Variants in RAC1 observed in about 807,000 individuals in gnomAD.
RAC1 encodes Rac family small GTPase 1.
A neutral mutation model predicts 25.2 loss-of-function variants in RAC1; 2 were observed. The ratio of observed to expected loss-of-function variants is 0.08; its 90% CI spans 0.03 to 0.25. The LOEUF (loss-of-function observed/expected upper bound fraction) is 0.25. RAC1 is among the 10% of genes least tolerant of loss of function. The probability of loss-of-function intolerance (pLI) is 1.00; values close to 1 mark genes in which losing one functional copy is unlikely to be tolerated. For missense variants in RAC1, 50 were observed against 235.7 expected, an observed-to-expected ratio of 0.21 and a Z score of 5.16; for synonymous variants, 88 against 94.0, an observed-to-expected ratio of 0.94 and a Z score of 0.37.
At chr7:6,398,214 G>GTCTA (rs10673731) in intron 3 of RAC1, among the ~76,000 whole-genome samples, 2 of 151,980 alleles carry the variant, frequency 1.3e-5, no homozygotes, top group African/African-American at 4.8e-5. Context: ...AGAGCCCTTT[G>GTCTA]GCAGGCATCA....
At chr7:6,392,327 T>A (rs185938785) in intron 3 of RAC1, among the ~76,000 whole-genome samples, 1 of 152,324 alleles carries the variant, frequency 6.6e-6, no homozygotes, top group East Asian at 1.9e-4. Context: ...GCAAACCAGT[T>A]TTTAACACCA....
intron 2 of RAC1, among the ~76,000 whole-genome samples, chr7:6,387,931 C>A (rs1428754222): frequency 6.6e-6 from 1 of 152,112 alleles, no homozygotes; most frequent in Non-Finnish European, 1.5e-5. Context: ...TTCAGATACA[C>A]TGGCTTTCTG....
chr7:6,388,254 C>T (rs1470538345), intron 2 of RAC1, among the ~76,000 whole-genome samples: 1 of 151,948 alleles, frequency 6.6e-6, no homozygotes, highest in African/African-American at 2.4e-5. Context: ...TCGCCTCCTC[C>T]CCACCTGTGT....
At chr7:6,401,776 G>A (rs1324032006) in intron 4 of RAC1, 92 bp from the exon 5 acceptor site, 4 of 1,404,476 alleles carry the variant, frequency 2.8e-6, no homozygotes, top group Non-Finnish European at 3.9e-6. Context: ...GAGGTTAGGT[G>A]TCTGGCATGA....
At chr7:6,393,375 C>T (rs1783142412) in intron 3 of RAC1, among the ~76,000 whole-genome samples, 1 of 152,138 alleles carries the variant, frequency 6.6e-6, no homozygotes, top group Non-Finnish European at 1.5e-5. Flanking sequence ...TAGGAGACTT[C>T]AGCCCACTGG....
At chr7:6,401,840 A>C (rs757425003) in intron 4 of RAC1, 28 bp from the exon 5 acceptor site, 6 of 1,599,002 alleles carry the variant, frequency 3.8e-6, no homozygotes, top group Non-Finnish European at 5.1e-6. Flanking sequence ...GGAGCGTGTC[A>C]CAACCTCTGT....
chr7:6,390,896 C>CT (rs1783074404), intron 2 of RAC1, among the ~76,000 whole-genome samples: 1 of 151,548 alleles, frequency 6.6e-6, no homozygotes, highest in Non-Finnish European at 1.5e-5. Context: ...CCTTTTCTTT[C>CT]TTCTTCTTCT....
chr7:6,383,468 A>G (rs751262072), intron 1 of RAC1, among the ~76,000 whole-genome samples: 16 of 151,804 alleles, frequency 1.1e-4, no homozygotes, highest in Non-Finnish European at 2.4e-4. Context: ...TCATATTCTT[A>G]TAAGACATAG....
intron 3 of RAC1, among the ~76,000 whole-genome samples, chr7:6,396,564 C>T (rs569680469): frequency 3.5e-4 from 54 of 152,250 alleles, no homozygotes; most frequent in African/African-American, 1.3e-3. Context: ...GCCACAGATA[C>T]GATCAGAGGC....
intron 2 of RAC1, among the ~76,000 whole-genome samples, chr7:6,390,613 ATAAT>A (rs1783066638): frequency 6.6e-6 from 1 of 151,962 alleles, no homozygotes; most frequent in East Asian, 1.9e-4. Context: ...AAAAATAATA[ATAAT>A]AATGATAATA....
At chr7:6,395,683 C>A (rs1783217459) in intron 3 of RAC1, among the ~76,000 whole-genome samples, 2 of 152,116 alleles carry the variant, frequency 1.3e-5, no homozygotes, top group Non-Finnish European at 2.9e-5. Context: ...CGAGATTATT[C>A]TATTCAATAG....
intron 1 of RAC1, among the ~76,000 whole-genome samples, chr7:6,385,183 A>C (rs1167546801): frequency 6.6e-6 from 1 of 152,204 alleles, no homozygotes; most frequent in African/African-American, 2.4e-5. Context: ...AATGACAGTT[A>C]TCACACGCAT....
intron 2 of RAC1, among the ~76,000 whole-genome samples, chr7:6,391,004 C>G (rs1412022443): frequency 6.6e-6 from 1 of 152,168 alleles, no homozygotes; most frequent in Non-Finnish European, 1.5e-5. Flanking sequence ...TCAAGCGATT[C>G]TCTTGCCTCA....
chr7:6,400,330 T>G (rs2115214521), intron 4 of RAC1, 142 bp downstream of exon 4: 1 of 755,374 alleles, frequency 1.3e-6, no homozygotes, highest in African/African-American at 1.8e-5. Flanking sequence ...TGATTGGGTT[T>G]TTTTTTTTCT....
At chr7:6,381,876 A>G (rs1583259035) in intron 1 of RAC1, among the ~76,000 whole-genome samples, 1 of 152,292 alleles carries the variant, frequency 6.6e-6, no homozygotes, top group African/African-American at 2.4e-5. Flanking sequence ...GAATCCCCAT[A>G]CCTTGTTTGT....
intron 4 of RAC1, 137 bp from the exon 5 acceptor site, chr7:6,401,731 G>T: frequency 1.2e-6 from 1 of 807,340 alleles, no homozygotes; most frequent in Middle Eastern, 2.4e-4. Context: ...TTGAAGGTGG[G>T]AACCACCTGA....
intron 2 of RAC1, among the ~76,000 whole-genome samples, chr7:6,389,965 CCCTT>C (rs1330017249): frequency 7.7e-5 from 10 of 129,186 alleles, no homozygotes; most frequent in South Asian, 3.1e-4. Flanking sequence ...CTCCCTTCCT[CCCTT>C]CCTTTCTTCC....
intron 1 of RAC1, among the ~76,000 whole-genome samples, chr7:6,376,486 ATT>A (rs544818669): frequency 8.1e-5 from 10 of 122,920 alleles, no homozygotes; most frequent in African/African-American, 2.8e-4. Context: ...GCCCGGCCCA[ATT>A]TTTTTTTTTT....
At chr7:6,382,049 A>C (rs960396699) in intron 1 of RAC1, among the ~76,000 whole-genome samples, 2 of 151,996 alleles carry the variant, frequency 1.3e-5, no homozygotes, top group African/African-American at 2.4e-5. Context: ...GCTGGAGTGC[A>C]GTGATGCGAT....
Sources: allele counts gnomAD v4.1 joint callset (sites outside exome capture counted in the v4.1 genomes callset), GRCh38; gene constraint gnomAD v4.1.1; transcripts MANE v1.5; gene names NCBI Gene and HGNC (gene_info 2026-07-23, HGNC 2026-07-21).